DYSF: variants seen among roughly 807,000 people sequenced by gnomAD.
DYSF encodes dystrophy-associated fer-1-like 1.
Under a neutral mutation model 274.9 loss-of-function variants are expected in DYSF, and 212 were observed. That is an observed-to-expected ratio of 0.77 (90% CI 0.69 to 0.86). The LOEUF (loss-of-function observed/expected upper bound fraction) is 0.86. Ranked by LOEUF, DYSF falls within the 40% of genes least tolerant of loss-of-function variation. The pLI is 0.00. For missense variants in DYSF, 2,666 were observed against 2,783.2 expected, an observed-to-expected ratio of 0.96 and a Z score of 0.95; for synonymous variants, 1,091 against 1,078.7, an observed-to-expected ratio of 1.01 and a Z score of -0.22.
chr2:71,557,089 C>A (rs72827544), intron 22 of DYSF, among the ~76,000 whole-genome samples: 2 of 152,254 alleles, frequency 1.3e-5, no homozygotes, highest in Non-Finnish European at 2.9e-5. Context: ...TTTCCCCCAA[C>A]CTTCCTGAAG....
chr2:71,652,464 A>AT (rs568312190), intron 42 of DYSF, among the ~76,000 whole-genome samples: 168 of 152,324 alleles, frequency 1.1e-3, no homozygotes, highest in Non-Finnish European at 9.1e-4. Context: ...AAAGATTCAC[A>AT]TTCATAGTAC....
rs1257868987 is a variant in DYSF at position 71,570,260 on chromosome 2, T to C, written c.3011T>C (p.Ile1004Thr). 6.2e-6 allele frequency: 10 copies of C among 1,614,010 alleles called. No individual in the cohort carries two copies. The highest frequency in any genetic ancestry group is 7.6e-6 in the Non-Finnish European group (9 of 1,180,032). ...GAGAAGGTGCTTCCCAAGGATGACA[T>C]TGAGTGCCCACTGGGCTGGAAGTGG... ...NGEKVLPKDD[I>T]ECPLGWKWED... is the part of the protein sequence containing the mutation. Residue 1004 changes from isoleucine (I) to threonine (T), a missense_variant, in exon 28 of 56, where the codon ATT becomes ACT. This residue lies in a region of DYSF where 1,460 missense variants were observed against 1,502.1 expected (regional missense o/e 0.97). Coordinates refer to ENST00000410020, the MANE Select transcript of DYSF (RefSeq NM_001130987.2).
At chr2:71,528,538 G>C (rs967115566) in intron 14 of DYSF, 137 bp downstream of exon 14, 3 of 742,284 alleles carry the variant, frequency 4.0e-6, no homozygotes, top group Middle Eastern at 3.3e-4. Flanking sequence ...ATCCTGGTGC[G>C]TGGTGAGACA....
intron 40 of DYSF, among the ~76,000 whole-genome samples, 153 bp downstream of exon 40, chr2:71,613,563 C>T (rs1396022099): frequency 1.3e-5 from 2 of 152,134 alleles, no homozygotes; most frequent in Non-Finnish European, 1.5e-5. Context: ...GTAGAGAGAC[C>T]CAGATGGGAG....
chr2:71,678,436 GAACAA>G, intron 52 of DYSF, among the ~76,000 whole-genome samples: 1 of 152,098 alleles, frequency 6.6e-6, no homozygotes, highest in South Asian at 2.1e-4. Flanking sequence ...AGACACAAAA[GAACAA>G]ATATTGTATG....
chr2:71,622,130 G>GTTTTTTTTGT (rs2094118827), intron 41 of DYSF, among the ~76,000 whole-genome samples: 2 of 97,002 alleles, frequency 2.1e-5, no homozygotes, highest in African/African-American at 7.8e-5. Context: ...TGATTTCTTT[G>GTTTTTTTTGT]TTTTTTTTTT....
Position 71,683,213 on chromosome 2 carries a change from G to A in DYSF, c.6321+536G>A, listed in dbSNP as rs542229061. Among the ~76,000 whole-genome samples the A allele has an allele frequency of 1.1e-4, 17 of 152,302 alleles. No homozygotes were observed. The South Asian group carries it at 1.9e-3, about 17-fold the overall frequency. On this transcript the variant is annotated intron_variant, in intron 55 of 55. Coordinates refer to ENST00000410020, the MANE Select transcript of DYSF (RefSeq NM_001130987.2). The stretch of plus-strand genomic sequence containing the variant: ...AGCAGGTGGGCATAGGGAAGCTGTC[G>A]GGGAGCGGGAGGCTGGCCCAGGAGC...
intron 17 of DYSF, 34 bp downstream of exon 17, chr2:71,539,273 CT>C (rs2089690553): frequency 6.3e-7 from 1 of 1,584,802 alleles, no homozygotes; most frequent in South Asian, 1.1e-5. Flanking sequence ...CTTTGACCCC[CT>C]GTGCTCTCCC....
At chr2:71,635,982 T>G (rs2094396230) in intron 41 of DYSF, among the ~76,000 whole-genome samples, 1 of 151,806 alleles carries the variant, frequency 6.6e-6, no homozygotes, top group South Asian at 2.1e-4. Context: ...TGCACTGGAA[T>G]CAAGACAAGA....
At chr2:71,520,999 T>G in intron 12 of DYSF, 95 bp downstream of exon 12, 1 of 971,196 alleles carries the variant, frequency 1.0e-6, no homozygotes, top group South Asian at 1.4e-5. Context: ...TTTTTTTTTC[T>G]GATTTAAACT....
intron 36 of DYSF, among the ~76,000 whole-genome samples, chr2:71,606,814 T>G (rs1230505974): frequency 6.6e-6 from 1 of 152,162 alleles, no homozygotes; most frequent in African/African-American, 2.4e-5. Context: ...GAAAGCCCAT[T>G]GAACCAGAGG....
chr2:71,500,341 G>A (rs1472778577), intron 3 of DYSF, among the ~76,000 whole-genome samples: 1 of 152,134 alleles, frequency 6.6e-6, no homozygotes, highest in Non-Finnish European at 1.5e-5. Context: ...CACTGCGGGA[G>A]AGGCAGCCTG....
intron 26 of DYSF, 145 bp from the exon 27 acceptor site, chr2:71,569,675 T>C: frequency 1.4e-6 from 1 of 720,328 alleles, no homozygotes; most frequent in South Asian, 1.5e-5. Flanking sequence ...CTTGGTCTCT[T>C]GCACCCTTCC....
At chr2:71,644,661 T>G (rs985229542) in intron 42 of DYSF, among the ~76,000 whole-genome samples, 1 of 152,096 alleles carries the variant, frequency 6.6e-6, no homozygotes, top group African/African-American at 2.4e-5. Flanking sequence ...TCAGCCAAAT[T>G]GTGGTATTTT....
At chr2:71,632,734 A>G (rs1181492757) in intron 41 of DYSF, among the ~76,000 whole-genome samples, 1 of 152,064 alleles carries the variant, frequency 6.6e-6, no homozygotes, top group Non-Finnish European at 1.5e-5. Context: ...CTTTCTGCAT[A>G]GTTGTGTGGG....
chr2:71,539,116 T>A (rs2089671244), intron 16 of DYSF, 41 bp from the exon 17 acceptor site: 2 of 1,582,940 alleles, frequency 1.3e-6, no homozygotes, highest in Non-Finnish European at 1.7e-6. Context: ...GGCCTGCAGT[T>A]CCTTTCCTGT....
intron 41 of DYSF, among the ~76,000 whole-genome samples, chr2:71,631,533 C>T (rs1047952177): frequency 9.2e-5 from 14 of 152,148 alleles, no homozygotes; most frequent in Non-Finnish European, 1.9e-4. Context: ...TAATCTGGAC[C>T]TTCCTTTGTG....
At chr2:71,662,094 C>T (rs1323072088) in intron 45 of DYSF, among the ~76,000 whole-genome samples, 1 of 152,194 alleles carries the variant, frequency 6.6e-6, no homozygotes, top group African/African-American at 2.4e-5. Flanking sequence ...CCTGTTTCCC[C>T]ATCTCCCCCC....
chr2:71,543,204 G>A (rs1249420522), intron 17 of DYSF, among the ~76,000 whole-genome samples: 1 of 36,216 alleles, frequency 2.8e-5, no homozygotes, highest in African/African-American at 6.1e-5. Flanking sequence ...CGTTAGAGAC[G>A]CTCCTCACCT....
Sources: allele counts gnomAD v4.1 joint callset (sites outside exome capture counted in the v4.1 genomes callset), GRCh38; gene constraint gnomAD v4.1.1; regional missense constraint gnomAD v4.1.1; transcripts MANE v1.5; gene names NCBI Gene and HGNC (gene_info 2026-07-23, HGNC 2026-07-21).